The following FAM217A variants were observed in gnomAD, a reference collection of about 807,000 sequenced individuals.
FAM217A encodes the protein family with sequence similarity 217 member A.
In FAM217A, 13 loss-of-function variants were observed where a neutral mutation model predicts 18.5. That is an observed-to-expected ratio of 0.70 (90% confidence interval 0.46 to 1.12). FAM217A has a LOEUF of 1.12. FAM217A is among the 50% of genes most tolerant of loss of function. The pLI, the probability that FAM217A is intolerant of heterozygous loss-of-function variation, is 0.00. For synonymous variants in FAM217A, 161 were observed against 202.8 expected (o/e 0.79, Z 1.75); for missense variants, 560 against 575.4 (o/e 0.97, Z 0.27).
chr6:4,074,017 A>AT (rs1769597546), intron 4 of FAM217A, among the ~76,000 whole-genome samples: 2 of 151,866 alleles, frequency 1.3e-5, no homozygotes, highest in African/African-American at 4.8e-5. Flanking sequence ...TGCCTGGCTA[A>AT]TTTTTTTGTA....
intron 1 of FAM217A, among the ~76,000 whole-genome samples, 178 bp downstream of exon 1, chr6:4,078,674 G>A (rs1175119080): frequency 1.3e-5 from 2 of 152,220 alleles, no homozygotes; most frequent in African/African-American, 4.8e-5. Context: ...CGAGTTGGGG[G>A]ACAGGAGCTT....
At position 4,068,870 on chromosome 6, in the gene FAM217A, A is replaced by G. The variant is rs1290096057; in HGVS notation, c.1353T>C (p.Phe451=). 6.2e-7 allele frequency: 1 copy of G among 1,614,002 alleles called. No homozygotes were observed. The change falls in exon 7 of 7, where the codon TTT becomes TTC. Residue 451 remains phenylalanine, a synonymous_variant. Coordinates refer to ENST00000274673, the MANE Select transcript of FAM217A (RefSeq NM_173563.3). ...TAATTTCTTCCTTCTGATTTTCGGGAAAAGTCAGAGGTATAGGTGAAACTG... is the reference window on the plus strand; with the variant it reads ...TAATTTCTTCCTTCTGATTTTCGGGGAAAGTCAGAGGTATAGGTGAAACTG... ...PMPVSPIPLT[F]PENQKEEIKA...
chr6:4,079,044 CGAAGCCCGCGGGCCGGCGCAGGG>C lies in FAM217A; in HGVS notation c.-250_-228del, dbSNP rs1770074140. 2.6e-6 allele frequency: 1 copy of C among 382,500 alleles called. No homozygotes were observed. The highest frequency in any genetic ancestry group is 4.7e-6 in the Non-Finnish European group (1 of 215,046). 23.7% of individuals were successfully genotyped at this position (382,500 alleles called of 1,614,324 possible). The stretch of plus-strand genomic sequence containing the variant: ...AGCCCGGTCGGCAGTGCAGGGCCTG[CGAAGCCCGCGGGCCGGCGCAGGG>C]GTGGGAGTCGGGCCCGGGGCCCAGA... On this transcript the variant is annotated 5_prime_UTR_variant, in exon 1 of 7. Transcript: ENST00000274673.
In FAM217A at chr6:4,079,043, G is replaced by C. The variant is rs1770073552; in HGVS notation, c.-226C>G. 3 of 384,530 alleles carry C rather than the reference G, an allele frequency of 7.8e-6. No individual in the cohort carries two copies. Among genetic ancestry groups the C allele is most frequent in the Non-Finnish European group, 1.4e-5 (3 of 216,214 alleles). The allele number at this position is 384,530 out of a possible 1,614,324, so 23.8% of individuals were successfully genotyped here. On this transcript the variant is annotated 5_prime_UTR_variant, in exon 1 of 7. Transcript: ENST00000274673. ...CAGCCCGGTCGGCAGTGCAGGGCCT[G>C]CGAAGCCCGCGGGCCGGCGCAGGGG...
chr6:4,068,593 TG>T lies in FAM217A; in HGVS notation c.*102del. 7.7e-7 allele frequency: 1 copy of T among 1,305,624 alleles called. No homozygotes were observed. Among genetic ancestry groups the T allele is most frequent in the Non-Finnish European group, 1.0e-6 (1 of 957,390 alleles). 80.9% of individuals were successfully genotyped at this position (1,305,624 alleles called of 1,614,324 possible). ...ACATCAAGCAACTGTTTGGTGATTT[TG>T]GGGGACTGTTAATAGTACCTGTGTC... On this transcript the variant is annotated 3_prime_UTR_variant, in exon 7 of 7. Transcript: ENST00000274673.
intron 4 of FAM217A, among the ~76,000 whole-genome samples, chr6:4,073,753 A>T (rs1769578462): frequency 6.6e-6 from 1 of 152,164 alleles, no homozygotes; most frequent in South Asian, 2.1e-4. Context: ...TTTATTTTGC[A>T]GTGAAATGTT....
chr6:4,070,747 G>A (rs1769345663), intron 6 of FAM217A, among the ~76,000 whole-genome samples: 1 of 152,200 alleles, frequency 6.6e-6, no homozygotes, highest in Non-Finnish European at 1.5e-5. Context: ...GCTCACACCT[G>A]TAATCCCAAC....
Position 4,068,867 on chromosome 6 carries a change from G to A in FAM217A, c.1356C>T (p.Pro452=), listed in dbSNP as rs774218991. The A allele has an allele frequency of 5.5e-5, 88 of 1,613,930 alleles. No individual in the cohort carries two copies. The highest frequency in any genetic ancestry group is 6.4e-5 in the Non-Finnish European group (75 of 1,180,002). ...MPVSPIPLTF[P]ENQKEEIKAP... is the part of the protein sequence containing the mutation. The stretch of plus-strand genomic sequence containing the variant: ...CCTTAATTTCTTCCTTCTGATTTTC[G>A]GGAAAAGTCAGAGGTATAGGTGAAA... The change falls in exon 7 of 7, where the codon CCC becomes CCT. Residue 452 remains proline (P), a synonymous_variant. Transcript: ENST00000274673.
In FAM217A at chr6:4,069,206, CAAAG is replaced by C; in HGVS notation, c.1013_1016del (p.Ser338Ter). On this transcript the variant is annotated frameshift_variant, in exon 7 of 7. Coordinates refer to ENST00000274673, the MANE Select transcript of FAM217A (RefSeq NM_173563.3). LOFTEE classifies it low-confidence loss of function (END_TRUNC). ...TATCTACACAAGGTATCTGAAGACTCAAAGAGTCGCAAAGTTTTGGCTGTCTCAC... is the reference window on the plus strand; with the variant it reads ...TATCTACACAAGGTATCTGAAGACTCAGTCGCAAAGTTTTGGCTGTCTCAC... 1 of 1,612,268 alleles carries C rather than the reference CAAAG, an allele frequency of 6.2e-7. No individual in the cohort carries two copies. Among genetic ancestry groups the C allele is most frequent in the Non-Finnish European group, 8.5e-7 (1 of 1,179,096 alleles).
At position 4,077,369 on chromosome 6, in the gene FAM217A, T is replaced by G. The variant is rs765400882; in HGVS notation, c.46A>C (p.Asn16His). The part of the protein sequence containing the change: ...ENCANSLRVS[N>H]ISQENLSHWN... ...GCCTGCCATACCTCCTGAGAGATGT[T>G]TGACACACGTAGGCTGTTAGCACAG... The change falls in exon 2 of 7, where the codon AAC (asparagine) becomes CAC (histidine). Residue 16 changes from asparagine (N) to histidine (H), a missense_variant. Asn to His is a moderately conservative substitution (Grantham distance 68). Coordinates refer to ENST00000274673, the MANE Select transcript of FAM217A (RefSeq NM_173563.3). 2 of 1,614,208 alleles carry G rather than the reference T, an allele frequency of 1.2e-6. No homozygotes were observed. Among genetic ancestry groups the G allele is most frequent in the South Asian group, 2.2e-5 (2 of 91,084 alleles).
Position 4,068,878 on chromosome 6 carries a change from G to A in FAM217A, c.1345C>T (p.Leu449=), listed in dbSNP as rs375222136. 9 of 1,614,040 alleles carry A rather than the reference G, an allele frequency of 5.6e-6. No individual in the cohort carries two copies. The highest frequency in any genetic ancestry group is 7.6e-6 in the Non-Finnish European group (9 of 1,180,022). ...TCCTTCTGATTTTCGGGAAAAGTCA[G>A]AGGTATAGGTGAAACTGGCATTGGA... is the stretch of plus-strand genomic sequence containing the variant. ...RSPMPVSPIP[L]TFPENQKEEI... The change falls in exon 7 of 7, where the codon CTG becomes TTG. Residue 449 remains leucine (L), a synonymous_variant. Coordinates refer to ENST00000274673, the MANE Select transcript of FAM217A (RefSeq NM_173563.3).
rs925368780 is a variant in FAM217A at position 4,078,915 on chromosome 6, G to T, written c.-98C>A. ...CGGTGCGCCGCCCCGAGGCCCGAGCGCCTCCGCGTGCGTGGCTGACGGCTT... is the reference window on the plus strand; with the variant it reads ...CGGTGCGCCGCCCCGAGGCCCGAGCTCCTCCGCGTGCGTGGCTGACGGCTT... On this transcript the variant is annotated 5_prime_UTR_variant, in exon 1 of 7. Coordinates refer to ENST00000274673, the MANE Select transcript of FAM217A (RefSeq NM_173563.3). The T allele has an allele frequency of 3.4e-6, 2 of 582,858 alleles. No individual in the cohort carries two copies. Among genetic ancestry groups the T allele is most frequent in the African/African-American group, 3.9e-5 (2 of 51,418 alleles). 36.1% of individuals were successfully genotyped at this position (582,858 alleles called of 1,614,324 possible).
intron 6 of FAM217A, 64 bp from the exon 7 acceptor site, chr6:4,069,984 T>C (rs562658205): frequency 2.6e-6 from 3 of 1,132,582 alleles, no homozygotes; most frequent in Non-Finnish European, 3.7e-6. Flanking sequence ...ATTAAAATGA[T>C]ACAGTTAAGT....
chr6:4,082,906 GA>G (rs1295667243), upstream of FAM217A, among the ~76,000 whole-genome samples: 1 of 152,180 alleles, frequency 6.6e-6, no homozygotes, highest in African/African-American at 2.4e-5. Context: ...AAGTTGCTGG[GA>G]CTACAGGTGC....
Position 4,068,866 on chromosome 6 carries a change from C to A in FAM217A, c.1357G>T (p.Glu453Ter). The A allele has an allele frequency of 1.2e-6, 2 of 1,614,062 alleles. No homozygotes were observed. Among genetic ancestry groups the A allele is most frequent in the Non-Finnish European group, 1.7e-6 (2 of 1,179,998 alleles). The part of the protein sequence containing the change: ...PVSPIPLTFP[E>*]NQKEEIKAPK... Reference sequence around the variant, plus strand: ...GCCTTAATTTCTTCCTTCTGATTTTCGGGAAAAGTCAGAGGTATAGGTGAA... The same window carrying A: ...GCCTTAATTTCTTCCTTCTGATTTTAGGGAAAAGTCAGAGGTATAGGTGAA... The change falls in exon 7 of 7, where the codon GAA (glutamate) becomes TAA (stop). Residue 453 changes from glutamate to a stop codon, truncating the protein, a stop_gained. Transcript: ENST00000274673. LOFTEE classifies it low-confidence loss of function (END_TRUNC).
At chr6:4,071,422 G>A (rs1229486934) in intron 6 of FAM217A, among the ~76,000 whole-genome samples, 2 of 152,108 alleles carry the variant, frequency 1.3e-5, no homozygotes, top group Admixed American at 6.5e-5. Flanking sequence ...ACATTGTTCT[G>A]TTTAGTCCTC....
chr6:4,070,780 G>A (rs192098765), intron 6 of FAM217A, among the ~76,000 whole-genome samples: 5 of 152,210 alleles, frequency 3.3e-5, no homozygotes, highest in Non-Finnish European at 7.4e-5. Context: ...CAAGGCAGGC[G>A]GGTTGCTTGT....
intron 2 of FAM217A, among the ~76,000 whole-genome samples, chr6:4,075,730 A>C (rs79930591): frequency 0.016 from 2,458 of 152,314 alleles, 62 homozygotes; most frequent in African/African-American, 0.056. Flanking sequence ...AAGCAAATGA[A>C]ATGTGAGGTA....
At chr6:4,087,215 C>T (rs995825434), upstream of FAM217A, 44 of 910,974 alleles carry the variant, frequency 4.8e-5, no homozygotes, top group African/African-American at 7.1e-4. Flanking sequence ...TCCCCTCTTC[C>T]TTTTAGCAAA....
Sources: allele counts gnomAD v4.1 joint callset (sites outside exome capture counted in the v4.1 genomes callset), GRCh38; gene constraint gnomAD v4.1.1; transcripts MANE v1.5; gene names NCBI Gene and HGNC (gene_info 2026-07-23, HGNC 2026-07-21).